NEMF: variants seen among roughly 807,000 people sequenced by gnomAD.
NEMF encodes nuclear export mediator factor, also known as ribosome quality control complex subunit NEMF.
In NEMF, 89 loss-of-function variants were observed where a neutral mutation model predicts 162.2. That is an observed-to-expected ratio of 0.55 (90% CI 0.46 to 0.65). The LOEUF is 0.65. NEMF is among the 30% of genes least tolerant of loss of function. The pLI is 0.00. For missense variants in NEMF, 1,133 were observed against 1,261.9 expected, an observed-to-expected ratio of 0.90 and a Z score of 1.55; for synonymous variants, 421 against 404.5, an observed-to-expected ratio of 1.04 and a Z score of -0.49.
chr14:49,830,201 A>G (rs1011513830), intron 11 of NEMF, among the ~76,000 whole-genome samples: 1 of 152,222 alleles, frequency 6.6e-6, no homozygotes, highest in African/African-American at 2.4e-5. Context: ...CCACAAAATA[A>G]TTACCAAAAT....
chr14:49,824,101 C>A (rs890417357), intron 16 of NEMF, among the ~76,000 whole-genome samples: 2 of 152,012 alleles, frequency 1.3e-5, no homozygotes, highest in African/African-American at 4.8e-5. Flanking sequence ...ACCCAGGAAG[C>A]GGAGGTTGCA....
At chr14:49,831,868 T>G (rs1441078678) in intron 10 of NEMF, among the ~76,000 whole-genome samples, 183 bp downstream of exon 10, 1 of 152,216 alleles carries the variant, frequency 6.6e-6, no homozygotes, top group South Asian at 2.1e-4. Flanking sequence ...TGGTCCTTCA[T>G]CCTGAAATAA....
At chr14:49,812,699 C>A (rs946353752) in intron 18 of NEMF, among the ~76,000 whole-genome samples, 1 of 152,076 alleles carries the variant, frequency 6.6e-6, no homozygotes, top group South Asian at 2.1e-4. Flanking sequence ...CACATACTTA[C>A]GAATTTAAAA....
chr14:49,794,718 CT>C (rs10645758), intron 26 of NEMF, among the ~76,000 whole-genome samples: 29 of 137,612 alleles, frequency 2.1e-4, no homozygotes, highest in Middle Eastern at 7.4e-3. Flanking sequence ...ACTGCTACAG[CT>C]TTTTTTTTTT....
At chr14:49,786,562 C>G (rs1242069711) in intron 29 of NEMF, among the ~76,000 whole-genome samples, 156 bp downstream of exon 29, 2 of 152,140 alleles carry the variant, frequency 1.3e-5, no homozygotes, top group Non-Finnish European at 2.9e-5. Context: ...TGTACAGTTA[C>G]ATATAGCAGA....
At chr14:49,793,569 A>T (rs959353910) in intron 26 of NEMF, among the ~76,000 whole-genome samples, 3 of 152,350 alleles carry the variant, frequency 2.0e-5, no homozygotes. Context: ...GTATTTTAAT[A>T]AACATTCTAT....
chr14:49,824,749 A>T (rs1031453509), intron 16 of NEMF, among the ~76,000 whole-genome samples: 3 of 152,076 alleles, frequency 2.0e-5, no homozygotes, highest in Admixed American at 2.0e-4. Flanking sequence ...ATAAGAGTAA[A>T]ATGTTTTATA....
intron 25 of NEMF, among the ~76,000 whole-genome samples, chr14:49,798,299 G>A (rs1195351424): frequency 1.3e-5 from 2 of 152,242 alleles, no homozygotes; most frequent in Middle Eastern, 3.4e-3. Flanking sequence ...GTACTCTATA[G>A]TTTTCACTTT....
intron 16 of NEMF, among the ~76,000 whole-genome samples, chr14:49,823,817 T>A (rs1449136323): frequency 2.6e-5 from 4 of 151,486 alleles, no homozygotes; most frequent in African/African-American, 9.7e-5. Context: ...GGAGAAAAAA[T>A]TGGGAGGGGA....
intron 29 of NEMF, 34 bp downstream of exon 29, chr14:49,786,684 G>A: frequency 6.4e-7 from 1 of 1,574,622 alleles, no homozygotes; most frequent in East Asian, 2.2e-5. Context: ...TGTAATCACA[G>A]TGTTGTAGTA....
intron 6 of NEMF, among the ~76,000 whole-genome samples, chr14:49,836,232 TCATGC>T (rs1892896758): frequency 2.0e-5 from 3 of 152,186 alleles, no homozygotes; most frequent in South Asian, 2.1e-4. Context: ...TGAGCCGAGA[TCATGC>T]CACTGCACTC....
chr14:49,820,141 G>A (rs148019219), intron 16 of NEMF: 11 of 226,246 alleles, frequency 4.9e-5, no homozygotes, highest in South Asian at 1.4e-4. Context: ...TAGTAGAAAC[G>A]GGGGTTCACC....
rs553388150 is a variant in NEMF at position 49,832,959 on chromosome 14, C to G, written c.735+464G>C. ...GAACAGAAAAAAACTTATAAACCAA[C>G]AAAAACTTTTAAAACACTATCCTGG... On this transcript the variant is annotated intron_variant, in intron 8 of 32. Transcript: ENST00000298310. Among the ~76,000 whole-genome samples the G allele has an allele frequency of 4.6e-5, 7 of 152,234 alleles. No individual in the cohort carries two copies. The East Asian group carries it at 1.4e-3, about 29-fold the overall frequency.
chr14:49,834,115 G>T (rs1236380030), intron 7 of NEMF: 3 of 573,376 alleles, frequency 5.2e-6, no homozygotes, highest in Non-Finnish European at 6.5e-6. Flanking sequence ...TTTGAGATGG[G>T]GGTCTCACTC....
At position 49,851,850 on chromosome 14, in the gene NEMF, CAT is replaced by C; in HGVS notation, c.83_84del (p.Asn28SerfsTer3). The C allele has an allele frequency of 6.3e-7, 1 of 1,588,396 alleles. No homozygotes were observed. The highest frequency in any genetic ancestry group is 8.6e-7 in the Non-Finnish European group (1 of 1,163,636). ...TATGTCTTATTATCCACATCATAAA[CAT>C]TGTTTACTCTCATTCCTAGCAAGCT... is the stretch of plus-strand genomic sequence containing the variant. ...NASLLGMRVNNVYDVDNKTYL... is the reference protein window; with the variant it reads ...NASLLGMRVNXVYDVDNKTYL... On this transcript the variant is annotated frameshift_variant, in exon 2 of 33. Coordinates refer to ENST00000298310, the MANE Select transcript of NEMF (RefSeq NM_004713.6). LOFTEE classifies it high-confidence loss of function.
chr14:49,782,943 C>T lies in NEMF; in HGVS notation c.*1693G>A. On this transcript the variant is annotated 3_prime_UTR_variant, in exon 33 of 33. Transcript: ENST00000298310. Reference sequence around the variant, plus strand: ...CAGAGGTTTGGTAGTAACAACACTTCTGGATCTTAAGGCTTCATAAATAAT... The same window carrying T: ...CAGAGGTTTGGTAGTAACAACACTTTTGGATCTTAAGGCTTCATAAATAAT... The T allele has an allele frequency of 1.2e-6, 2 of 1,612,854 alleles. No individual in the cohort carries two copies. The highest frequency in any genetic ancestry group is 1.7e-6 in the Non-Finnish European group (2 of 1,179,522).
In NEMF at chr14:49,795,924, A is replaced by T. The variant is rs1175636531; in HGVS notation, c.2486T>A (p.Leu829His). Residue 829 changes from leucine to histidine, a missense_variant, in exon 26 of 33, where the codon CTT (leucine) becomes CAT (histidine). Physicochemically the swap from Leu to His is moderately conservative, Grantham distance 99. Transcript: ENST00000298310. ...KERREMKKKK[L>H]PSDSGDLEAL... The stretch of plus-strand genomic sequence containing the variant: ...TTCTAAATCTCCTGAGTCACTTGGA[A>T]GTTTTTTCTTTTTCATTTCCCTGAA... 1 of 1,597,964 alleles carries T rather than the reference A, an allele frequency of 6.3e-7. No homozygotes were observed. Among genetic ancestry groups the T allele is most frequent in the Non-Finnish European group, 8.5e-7 (1 of 1,175,952 alleles).
chr14:49,835,686 T>C (rs1349219423), intron 6 of NEMF, among the ~76,000 whole-genome samples: 2 of 152,124 alleles, frequency 1.3e-5, no homozygotes, highest in Non-Finnish European at 2.9e-5. Context: ...AATTAATTAA[T>C]AGCATTCAGA....
Position 49,784,910 on chromosome 14 carries a change from G to T in NEMF, c.3153+15C>A. 6.2e-7 allele frequency: 1 copy of T among 1,606,022 alleles called. No homozygotes were observed. The highest frequency in any genetic ancestry group is 8.5e-7 in the Non-Finnish European group (1 of 1,173,634). ...CTGTCAGTCTCCACATTCCTTTTCTGAAGGAGAACTTTACCTTTACGCTGC... is the reference window on the plus strand; with the variant it reads ...CTGTCAGTCTCCACATTCCTTTTCTTAAGGAGAACTTTACCTTTACGCTGC... On this transcript the variant is annotated intron_variant, in intron 32 of 32. Transcript: ENST00000298310.
Sources: allele counts gnomAD v4.1 joint callset (sites outside exome capture counted in the v4.1 genomes callset), GRCh38; gene constraint gnomAD v4.1.1; transcripts MANE v1.5; gene names NCBI Gene and HGNC (gene_info 2026-07-23, HGNC 2026-07-21).